Variants in PTPRD observed in about 807,000 individuals in gnomAD.
PTPRD encodes receptor-type tyrosine-protein phosphatase delta.
In PTPRD, 34 loss-of-function variants were observed where a neutral mutation model predicts 214.5. The observed-to-expected ratio is 0.16, with a 90% CI of 0.12 to 0.21. PTPRD has a LOEUF of 0.21. PTPRD is among the 10% of genes least tolerant of loss of function. The pLI, the probability that PTPRD is intolerant of heterozygous loss-of-function variation, is 1.00. For missense variants in PTPRD, 2,545 were observed against 2,398.7 expected, an observed-to-expected ratio of 1.06 and a Z score of -1.27; for synonymous variants, 1,128 against 845.7, an observed-to-expected ratio of 1.33 and a Z score of -5.79.
chr9:9,765,112 T>A (rs2098695881), intron 6 of PTPRD, among the ~76,000 whole-genome samples: 1 of 152,130 alleles, frequency 6.6e-6, no homozygotes, highest in Non-Finnish European at 1.5e-5. Context: ...TATTCTAAAG[T>A]CACATTAGTC....
At chr9:10,075,368 T>C (rs867799216) in intron 3 of PTPRD, among the ~76,000 whole-genome samples, 1 of 152,076 alleles carries the variant, frequency 6.6e-6, no homozygotes, top group African/African-American at 2.4e-5. Context: ...TCAAAACATA[T>C]CTAAGCCAAC....
chr9:10,439,627 A>C (rs987163316), intron 2 of PTPRD, among the ~76,000 whole-genome samples: 2 of 151,762 alleles, frequency 1.3e-5, no homozygotes, highest in African/African-American at 4.8e-5. Flanking sequence ...TTTTTGTGCA[A>C]ACTATAAAGT....
intron 2 of PTPRD, among the ~76,000 whole-genome samples, chr9:10,489,028 G>A (rs1222524198): frequency 6.6e-6 from 1 of 152,090 alleles, no homozygotes; most frequent in Non-Finnish European, 1.5e-5. Flanking sequence ...GGTGGAAGGA[G>A]TCTTGCCCCA....
chr9:10,088,203 A>T (rs1278939559), intron 3 of PTPRD, among the ~76,000 whole-genome samples: 1 of 151,794 alleles, frequency 6.6e-6, no homozygotes, highest in Non-Finnish European at 1.5e-5. Flanking sequence ...TTATATCTTC[A>T]TGACAATCCA....
chr9:9,332,920 C>A (rs1002860079), intron 9 of PTPRD, among the ~76,000 whole-genome samples: 1 of 151,954 alleles, frequency 6.6e-6, no homozygotes, highest in Non-Finnish European at 1.5e-5. Context: ...AGAACTCTTA[C>A]GCTGTGTTAT....
intron 8 of PTPRD, among the ~76,000 whole-genome samples, chr9:9,438,866 G>T (rs993953838): frequency 2.0e-5 from 3 of 152,056 alleles, no homozygotes; most frequent in Non-Finnish European, 4.4e-5. Context: ...TTGTATAAAT[G>T]TAAGTTTATA....
At chr9:9,162,212 C>T (rs910279331) in intron 10 of PTPRD, among the ~76,000 whole-genome samples, 13 of 152,098 alleles carry the variant, frequency 8.5e-5, no homozygotes, top group East Asian at 1.9e-4. Context: ...TACAAAATGT[C>T]GCAAAAAGTG....
At chr9:10,546,756 G>T (rs1053054805) in intron 2 of PTPRD, among the ~76,000 whole-genome samples, 1 of 151,980 alleles carries the variant, frequency 6.6e-6, no homozygotes, top group Non-Finnish European at 1.5e-5. Flanking sequence ...ACATATAAAA[G>T]TATAGTTTGC....
At chr9:8,400,942 G>C (rs1248953151) in intron 36 of PTPRD, among the ~76,000 whole-genome samples, 2 of 152,188 alleles carry the variant, frequency 1.3e-5, no homozygotes, top group Non-Finnish European at 2.9e-5. Context: ...ATTCAGAGAA[G>C]TCAAGGTCAC....
At chr9:9,266,533 G>A (rs1312261075) in intron 9 of PTPRD, among the ~76,000 whole-genome samples, 1 of 150,830 alleles carries the variant, frequency 6.6e-6, no homozygotes, top group Admixed American at 6.6e-5. Flanking sequence ...TAAGCAAACT[G>A]AAATTATATC....
At chr9:8,850,475 C>T (rs1228830370) in intron 11 of PTPRD, among the ~76,000 whole-genome samples, 1 of 152,060 alleles carries the variant, frequency 6.6e-6, no homozygotes, top group Non-Finnish European at 1.5e-5. Flanking sequence ...CAACTTCCAT[C>T]CATGGCATAT....
chr9:9,021,267 A>G (rs952461889), intron 10 of PTPRD, among the ~76,000 whole-genome samples: 1 of 152,196 alleles, frequency 6.6e-6, no homozygotes. Context: ...TCGTAAGCTT[A>G]TAACAGAGCT....
chr9:10,516,577 T>G (rs1363492372), intron 2 of PTPRD, among the ~76,000 whole-genome samples: 1 of 152,040 alleles, frequency 6.6e-6, no homozygotes, highest in East Asian at 1.9e-4. Context: ...TTTAGTTTTA[T>G]GTAGACATAC....
chr9:9,989,016 CAAAA>C (rs397836899), intron 4 of PTPRD, among the ~76,000 whole-genome samples: 68 of 36,262 alleles, frequency 1.9e-3, no homozygotes, highest in African/African-American at 4.7e-3. Context: ...TTTCACTGAC[CAAAA>C]AAAAAAAAAA....
At chr9:9,494,310 C>T (rs1436677166) in intron 8 of PTPRD, among the ~76,000 whole-genome samples, 2 of 152,140 alleles carry the variant, frequency 1.3e-5, no homozygotes, top group Admixed American at 1.3e-4. Flanking sequence ...AAACTGACTC[C>T]AATTTTGAAA....
chr9:10,527,501 G>C (rs981897035), intron 2 of PTPRD, among the ~76,000 whole-genome samples: 6 of 152,244 alleles, frequency 3.9e-5, no homozygotes, highest in Middle Eastern at 3.4e-3. Flanking sequence ...CAATTCCAAA[G>C]AAAAGCCATA....
intron 10 of PTPRD, among the ~76,000 whole-genome samples, chr9:9,124,976 T>G (rs1371602605): frequency 1.3e-5 from 2 of 152,158 alleles, no homozygotes; most frequent in Non-Finnish European, 2.9e-5. Context: ...GAGCAACTGG[T>G]TCCTCTCCCT....
intron 11 of PTPRD, among the ~76,000 whole-genome samples, chr9:8,982,112 AAC>A (rs1182362454): frequency 2.0e-5 from 3 of 152,058 alleles, no homozygotes; most frequent in Admixed American, 6.6e-5. Context: ...AAGTGAAATT[AAC>A]ACACTGAATT....
intron 34 of PTPRD, among the ~76,000 whole-genome samples, chr9:8,446,817 GA>G (rs1411843336): frequency 6.6e-6 from 1 of 152,130 alleles, no homozygotes; most frequent in Admixed American, 6.5e-5. Flanking sequence ...CATTATCCAA[GA>G]AAACCCTTGA....
Sources: allele counts gnomAD v4.1 joint callset (sites outside exome capture counted in the v4.1 genomes callset), GRCh38; gene constraint gnomAD v4.1.1; transcripts MANE v1.5; gene names NCBI Gene and HGNC (gene_info 2026-07-23, HGNC 2026-07-21).